Variants in CENPK observed in about 807,000 individuals in gnomAD.
The protein encoded by CENPK is SoxLZ/Sox6-binding protein Solt.
In CENPK, 46 loss-of-function variants were observed where a neutral mutation model predicts 40.9. That is an observed-to-expected ratio of 1.13 (90% confidence interval 0.89 to 1.44). CENPK has a LOEUF of 1.44. CENPK is among the 40% of genes most tolerant of loss of function. The probability of loss-of-function intolerance (pLI) is 0.00; values close to 1 mark genes in which losing one functional copy is unlikely to be tolerated. For synonymous variants in CENPK, 107 were observed against 104.4 expected, an observed-to-expected ratio of 1.02 and a Z score of -0.15; for missense variants, 288 against 303.5, an observed-to-expected ratio of 0.95 and a Z score of 0.38.
At chr5:65,504,984 T>C in the CENPK span, among the ~76,000 whole-genome samples, 2 of 152,176 alleles carry the variant, frequency 1.3e-5, no homozygotes, top group African/African-American at 4.8e-5. Flanking sequence ...CCAGGCTTCA[T>C]AGAATATAGT....
At chr5:65,548,279 G>C (rs1363727885) in intron 5 of CENPK, among the ~76,000 whole-genome samples, 2 of 152,076 alleles carry the variant, frequency 1.3e-5, no homozygotes, top group African/African-American at 4.8e-5. Context: ...TTATGTATTA[G>C]CATTATTTCT....
intron 6 of CENPK, among the ~76,000 whole-genome samples, chr5:65,532,555 G>A (rs1190528940): frequency 3.3e-5 from 5 of 151,990 alleles, no homozygotes; most frequent in African/African-American, 1.2e-4. Flanking sequence ...ATATAGTATG[G>A]CAAAGTGGGG....
At chr5:65,546,103 A>T (rs1169999712) in intron 5 of CENPK, among the ~76,000 whole-genome samples, 1 of 152,226 alleles carries the variant, frequency 6.6e-6, no homozygotes, top group African/African-American at 2.4e-5. Flanking sequence ...AAGAGATTAA[A>T]AAGTCTGTTA....
chr5:65,559,473 C>A (rs967621305), intron 2 of CENPK, among the ~76,000 whole-genome samples: 2 of 151,386 alleles, frequency 1.3e-5, no homozygotes, highest in South Asian at 4.2e-4. Flanking sequence ...ACTAAAAATA[C>A]AAAAAATTAG....
At chr5:65,560,107 C>T (rs866141839) in intron 2 of CENPK, among the ~76,000 whole-genome samples, 32 of 151,900 alleles carry the variant, frequency 2.1e-4, no homozygotes, top group African/African-American at 7.5e-4. Flanking sequence ...TTAGGAAACA[C>T]CTTTCTAAGC....
the CENPK span, among the ~76,000 whole-genome samples, chr5:65,510,731 G>A: frequency 6.6e-6 from 1 of 150,964 alleles, no homozygotes; most frequent in Non-Finnish European, 1.5e-5. Context: ...AGCCGAGATT[G>A]TGCCACTGCA....
downstream of CENPK, among the ~76,000 whole-genome samples, chr5:65,514,228 A>ATATTTTTTTTTTTTTTTTTTTTTTTT (rs199873665): frequency 3.2e-5 from 2 of 61,648 alleles, no homozygotes; most frequent in Non-Finnish European, 6.1e-5. Context: ...GCCTCACATA[A>ATATTTTTTTTTTTTTTTTTTTTTTTT]TCTTTTTTTT....
chr5:65,499,044 A>G, the CENPK span, among the ~76,000 whole-genome samples: 1 of 151,496 alleles, frequency 6.6e-6, no homozygotes, highest in Non-Finnish European at 1.5e-5. Context: ...TTTTAAATAG[A>G]GAATGAGGCC....
chr5:65,532,220 A>G (rs1055069624), intron 6 of CENPK, among the ~76,000 whole-genome samples: 1 of 152,208 alleles, frequency 6.6e-6, no homozygotes, highest in Non-Finnish European at 1.5e-5. Context: ...GAGAAATAGA[A>G]TTTGTAATTA....
chr5:65,505,176 T>G, the CENPK span, among the ~76,000 whole-genome samples: 12 of 152,280 alleles, frequency 7.9e-5, no homozygotes, highest in African/African-American at 2.4e-4. Context: ...TCCTTATTCT[T>G]GAGTAATACT....
At chr5:65,522,726 C>T (rs529980582) in intron 9 of CENPK, among the ~76,000 whole-genome samples, 1 of 152,234 alleles carries the variant, frequency 6.6e-6, no homozygotes, top group Non-Finnish European at 1.5e-5. Flanking sequence ...CACCATACCC[C>T]ACCTCAATTA....
intron 6 of CENPK, among the ~76,000 whole-genome samples, chr5:65,539,407 T>C (rs1460818602): frequency 6.6e-6 from 1 of 152,170 alleles, no homozygotes; most frequent in East Asian, 1.9e-4. Context: ...GCTTCAAAAA[T>C]ACAATGGTGG....
At chr5:65,499,365 C>T in the CENPK span, among the ~76,000 whole-genome samples, 5 of 151,392 alleles carry the variant, frequency 3.3e-5, no homozygotes, top group African/African-American at 9.7e-5. Flanking sequence ...CTGGCCTCCT[C>T]GGTGCTTGAT....
intron 8 of CENPK, 115 bp downstream of exon 8, chr5:65,528,802 CAA>C (rs1368794435): frequency 2.2e-6 from 2 of 913,806 alleles, no homozygotes; most frequent in Non-Finnish European, 3.2e-6. Context: ...TAATAGTTAA[CAA>C]AAGTTAGGGC....
intron 5 of CENPK, among the ~76,000 whole-genome samples, chr5:65,550,098 G>A (rs1581062947): frequency 1.4e-5 from 2 of 143,806 alleles, no homozygotes; most frequent in Admixed American, 1.5e-4. Flanking sequence ...AACCCAGGAG[G>A]CAGAGACTGC....
At chr5:65,498,260 T>C in the CENPK span, among the ~76,000 whole-genome samples, 2 of 152,118 alleles carry the variant, frequency 1.3e-5, no homozygotes, top group Admixed American at 1.3e-4. Context: ...TATACACATA[T>C]AGATATATTC....
At chr5:65,503,639 T>A in the CENPK span, among the ~76,000 whole-genome samples, 1 of 152,024 alleles carries the variant, frequency 6.6e-6, no homozygotes, top group African/African-American at 2.4e-5. Flanking sequence ...ATCTTTAAGA[T>A]ACTTTTTGTC....
intron 10 of CENPK, 64 bp from the exon 11 acceptor site, chr5:65,518,697 G>T: frequency 1.9e-6 from 2 of 1,054,090 alleles, no homozygotes; most frequent in African/African-American, 1.6e-5. Context: ...CTATAAGAAA[G>T]TTTTTTGTCA....
At chr5:65,541,678 C>T (rs1429136431) in intron 6 of CENPK, among the ~76,000 whole-genome samples, 1 of 152,198 alleles carries the variant, frequency 6.6e-6, no homozygotes, top group African/African-American at 2.4e-5. Context: ...GCTTTCTCTA[C>T]AGCTCTCTTA....
Sources: gnomAD v4.1 joint callset for allele counts (sites outside exome capture counted in the v4.1 genomes callset) on GRCh38, gnomAD v4.1.1 for gene constraint, MANE v1.5 for transcripts, NCBI Gene and HGNC (gene_info 2026-07-23, HGNC 2026-07-21) for gene names.